The following TEX26 variants were observed in gnomAD, a reference collection of about 807,000 sequenced individuals.
TEX26 encodes the protein testis expressed 26, also known as testis-expressed protein 26.
TEX26 carries 34 observed loss-of-function variants against 35.3 expected under a neutral mutation model. The ratio of observed to expected loss-of-function variants is 0.96; its 90% confidence interval spans 0.73 to 1.28. The LOEUF is 1.28. TEX26 is among the 50% of genes most tolerant of loss of function. The pLI, the probability that TEX26 is intolerant of heterozygous loss-of-function variation, is 0.00. For missense variants in TEX26, 371 were observed against 330.1 expected (o/e 1.12, Z -0.96); for synonymous variants, 136 against 111.8 (o/e 1.22, Z -1.36).
chr13:30,952,794 G>A lies in TEX26; in HGVS notation c.281G>A (p.Gly94Glu). ...EDLIKTETSRGIKSHKSHLNE... is the reference protein window; with the variant it reads ...EDLIKTETSREIKSHKSHLNE... Reference sequence around the variant, plus strand: ...TTGATCAAAACTGAGACTTCAAGAGGAATCAAGAGCCACAAATCTCATCTC... The same window carrying A: ...TTGATCAAAACTGAGACTTCAAGAGAAATCAAGAGCCACAAATCTCATCTC... Residue 94 changes from glycine to glutamate, a missense_variant, in exon 3 of 7, where the codon GGA becomes GAA. Transcript: ENST00000380473. The A allele has an allele frequency of 6.2e-7, 1 of 1,612,526 alleles. No homozygotes were observed. Among genetic ancestry groups the A allele is most frequent in the Non-Finnish European group, 8.5e-7 (1 of 1,179,408 alleles).
At chr13:30,933,449 G>C (rs1159668981) in intron 1 of TEX26, 2 of 152,216 alleles carry the variant, frequency 1.3e-5, no homozygotes, top group Admixed American at 1.3e-4. Context: ...GACGCTAGTG[G>C]CATGATTACC....
At chr13:30,948,488 C>T (rs1441899336) in intron 2 of TEX26, among the ~76,000 whole-genome samples, 3 of 152,044 alleles carry the variant, frequency 2.0e-5, no homozygotes, top group Admixed American at 6.5e-5. Flanking sequence ...CTCTGATGGC[C>T]AGTGATGGTG....
At chr13:30,949,752 T>C (rs1953851279) in intron 2 of TEX26, among the ~76,000 whole-genome samples, 2 of 152,072 alleles carry the variant, frequency 1.3e-5, no homozygotes, top group African/African-American at 4.8e-5. Flanking sequence ...TATATTCTCA[T>C]GTATATAGAA....
intron 2 of TEX26, among the ~76,000 whole-genome samples, chr13:30,945,438 C>CAGT (rs1953671526): frequency 6.6e-6 from 1 of 151,542 alleles, no homozygotes. Flanking sequence ...GTATTTAGGC[C>CAGT]ATTTATGTTC....
intron 4 of TEX26, among the ~76,000 whole-genome samples, chr13:30,964,744 C>A (rs1954468366): frequency 6.6e-6 from 1 of 152,182 alleles, no homozygotes; most frequent in Non-Finnish European, 1.5e-5. Flanking sequence ...AGCCTTCTTG[C>A]AGCATCATCC....
In TEX26 at chr13:30,932,757, C is replaced by T. The variant is rs1425843302; in HGVS notation, c.42C>T (p.Cys14=). Residue 14 remains cysteine (C), a synonymous_variant, in exon 1 of 7, where the codon TGC becomes TGT. Transcript: ENST00000380473. ...CCAGGGCTCCGGATCCCTCTCTCTGCCACCACAACCTCCAGCCAAGTAAGA... is the reference window on the plus strand; with the variant it reads ...CCAGGGCTCCGGATCCCTCTCTCTGTCACCACAACCTCCAGCCAAGTAAGA... ...PGPRAPDPSL[C]HHNLQPTDDP... is the part of the protein sequence containing the mutation. 7 of 1,613,954 alleles carry T rather than the reference C, an allele frequency of 4.3e-6. No homozygotes were observed. Among genetic ancestry groups the T allele is most frequent in the African/African-American group, 1.3e-5 (1 of 75,064 alleles).
chr13:30,948,969 T>G (rs1380209354), intron 2 of TEX26, among the ~76,000 whole-genome samples: 2 of 152,208 alleles, frequency 1.3e-5, no homozygotes, highest in African/African-American at 2.4e-5. Context: ...GGCTAGCCAG[T>G]TTTCCCAGCA....
chr13:30,932,663 G>A lies in TEX26; in HGVS notation c.-53G>A. The A allele has an allele frequency of 1.4e-5, 22 of 1,590,128 alleles. No homozygotes were observed. The highest frequency in any genetic ancestry group is 1.7e-5 in the Non-Finnish European group (20 of 1,167,744). On this transcript the variant is annotated 5_prime_UTR_variant, in exon 1 of 7. Coordinates refer to ENST00000380473, the MANE Select transcript of TEX26 (RefSeq NM_152325.3). ...CGTCACAAAGCAGCCCGCGGCTCCC[G>A]CAAGCGCTGAGATAGCTGGAGCCAG...
chr13:30,955,181 A>C (rs186527692), intron 3 of TEX26, among the ~76,000 whole-genome samples: 2 of 152,234 alleles, frequency 1.3e-5, no homozygotes, highest in Admixed American at 1.3e-4. Flanking sequence ...GCTTTAAAAA[A>C]TGAAATCGCA....
At chr13:30,950,267 G>C (rs551189731) in intron 2 of TEX26, among the ~76,000 whole-genome samples, 1 of 152,214 alleles carries the variant, frequency 6.6e-6, no homozygotes, top group South Asian at 2.1e-4. Flanking sequence ...TTAGACCAGT[G>C]TGGTGGCATG....
intron 4 of TEX26, among the ~76,000 whole-genome samples, chr13:30,964,171 C>T (rs1954446334): frequency 6.6e-6 from 1 of 152,184 alleles, no homozygotes; most frequent in Admixed American, 6.5e-5. Context: ...TCCTGTAGCA[C>T]CCTATTCAAA....
At chr13:30,951,390 C>T (rs555115426) in intron 2 of TEX26, among the ~76,000 whole-genome samples, 1 of 151,666 alleles carries the variant, frequency 6.6e-6, no homozygotes, top group East Asian at 1.9e-4. Context: ...TGCTGTGTCC[C>T]GTCCCTTTGG....
intron 4 of TEX26, among the ~76,000 whole-genome samples, chr13:30,963,317 T>C (rs567966772): frequency 1.3e-5 from 2 of 152,278 alleles, no homozygotes; most frequent in South Asian, 2.1e-4. Flanking sequence ...GGAGGCGTCA[T>C]TGGGTCAGGT....
At chr13:30,959,091 T>C (rs1954241815) in intron 4 of TEX26, among the ~76,000 whole-genome samples, 1 of 152,232 alleles carries the variant, frequency 6.6e-6, no homozygotes, top group Non-Finnish European at 1.5e-5. Context: ...AACTACCTCC[T>C]TCCCAGCTAA....
chr13:30,960,265 C>T (rs1273428664), intron 4 of TEX26, among the ~76,000 whole-genome samples: 2 of 152,000 alleles, frequency 1.3e-5, no homozygotes, highest in East Asian at 3.9e-4. Context: ...GTTTGTTTTT[C>T]ATGGAGACAG....
intron 4 of TEX26, among the ~76,000 whole-genome samples, chr13:30,964,997 G>A (rs1335490569): frequency 1.3e-5 from 2 of 152,170 alleles, no homozygotes; most frequent in African/African-American, 2.4e-5. Flanking sequence ...ATAGCACTAA[G>A]TTATAGATGG....
Position 30,966,382 on chromosome 13 carries a change from T to C in TEX26, c.630T>C (p.Val210=), listed in dbSNP as rs771191393. 1 of 1,613,664 alleles carries C rather than the reference T, an allele frequency of 6.2e-7. No individual in the cohort carries two copies. The change falls in exon 5 of 7, where the codon GTT becomes GTC. Residue 210 remains valine (V), a synonymous_variant. Transcript: ENST00000380473. ...FKYGCYSSLP[V]ASQGLVPSVL... is the part of the protein sequence containing the mutation. Reference sequence around the variant, plus strand: ...ATGGATGCTACTCAAGCTTGCCTGTTGCTTCTCAGGGTCTAGGTGAGTACA... The same window carrying C: ...ATGGATGCTACTCAAGCTTGCCTGTCGCTTCTCAGGGTCTAGGTGAGTACA...
intron 3 of TEX26, among the ~76,000 whole-genome samples, chr13:30,955,963 G>A (rs145634002): frequency 1.4e-4 from 22 of 152,258 alleles, no homozygotes; most frequent in African/African-American, 5.3e-4. Flanking sequence ...GAGGGACGAT[G>A]GCAAGAGGGG....
intron 1 of TEX26, among the ~76,000 whole-genome samples, chr13:30,935,495 G>A (rs1953239305): frequency 6.6e-6 from 1 of 152,268 alleles, no homozygotes; most frequent in Non-Finnish European, 1.5e-5. Flanking sequence ...AGAATGAAGA[G>A]GGCAGGGAGA....
Sources: gnomAD v4.1 joint callset for allele counts (sites outside exome capture counted in the v4.1 genomes callset) on GRCh38, gnomAD v4.1.1 for gene constraint, MANE v1.5 for transcripts, NCBI Gene and HGNC (gene_info 2026-07-23, HGNC 2026-07-21) for gene names.